FKBP11: variants seen among roughly 807,000 people sequenced by gnomAD.
FKBP11 encodes peptidyl-prolyl cis-trans isomerase FKBP11.
In FKBP11, 21 loss-of-function variants were observed where a neutral mutation model predicts 24.7. The observed-to-expected ratio is 0.85, with a 90% CI of 0.60 to 1.23. The LOEUF (loss-of-function observed/expected upper bound fraction) is 1.23, where lower values mean the gene tolerates loss of function less well. Among genes scored for constraint, FKBP11 ranks in the 50% most tolerant of loss-of-function variants. FKBP11 has a pLI of 0.00. For synonymous variants in FKBP11, 106 were observed against 100.6 expected (o/e 1.05, Z -0.32); for missense variants, 245 against 248.7 (o/e 0.99, Z 0.10).
intron 4 of FKBP11, 113 bp from the exon 5 acceptor site, chr12:48,923,965 A>G (rs1314210449): frequency 1.8e-6 from 2 of 1,120,230 alleles, no homozygotes; most frequent in Non-Finnish European, 2.7e-6. Flanking sequence ...CAAAACACGA[A>G]TTTTTCCACC....
intron 2 of FKBP11, 167 bp from the exon 3 acceptor site, chr12:48,924,815 G>T: frequency 6.9e-7 from 1 of 1,451,784 alleles, no homozygotes; most frequent in South Asian, 1.5e-5. Context: ...GGCGCTTCTC[G>T]GAGATCTCTC....
At chr12:48,935,364 A>T in the FKBP11 span, among the ~76,000 whole-genome samples, 1 of 152,188 alleles carries the variant, frequency 6.6e-6, no homozygotes, top group African/African-American at 2.4e-5. Context: ...CAAACTTATT[A>T]TATGCCTAAA....
chr12:48,938,000 T>C, the FKBP11 span: 39 of 174,776 alleles, frequency 2.2e-4, no homozygotes, highest in Admixed American at 2.9e-4. Context: ...ACACACACCA[T>C]GGACTTGCCA....
upstream of FKBP11, chr12:48,926,138 T>C (rs1411414685): frequency 6.6e-6 from 1 of 152,210 alleles, no homozygotes; most frequent in African/African-American, 2.4e-5. Flanking sequence ...CCTGATCTTT[T>C]CCTCTGGTGC....
the FKBP11 span, chr12:48,938,639 C>T: frequency 4.4e-5 from 19 of 432,582 alleles, no homozygotes; most frequent in Non-Finnish European, 8.1e-5. Context: ...AAAGAGAATA[C>T]CCCACTCGAC....
In FKBP11 at chr12:48,925,386, G is replaced by T; in HGVS notation, c.43C>A (p.Leu15Met). The change falls in exon 1 of 6, where the codon CTG becomes ATG. Residue 15 changes from leucine (L) to methionine (M), a missense_variant. Transcript: ENST00000550765. The part of the protein sequence containing the change: ...PSLLPLHLLL[L>M]LLLSAAVCRA... ...CACACCGCCGCACTGAGCAGCAGCA[G>T]CAGCAGCAGATGGAGCGGGAGGAGT... 1 of 1,597,096 alleles carries T rather than the reference G, an allele frequency of 6.3e-7. No individual in the cohort carries two copies. The highest frequency in any genetic ancestry group is 2.3e-5 in the East Asian group (1 of 44,402).
chr12:48,926,379 C>T (rs1008651141), upstream of FKBP11: 3 of 151,808 alleles, frequency 2.0e-5, no homozygotes, highest in Non-Finnish European at 4.4e-5. Context: ...CACCCGCCAC[C>T]ACGCCCGGCT....
the FKBP11 span, chr12:48,938,777 G>T: frequency 1.3e-6 from 1 of 755,670 alleles, no homozygotes; most frequent in African/African-American, 1.8e-5. Flanking sequence ...TCATATAGGT[G>T]GACAGGAAAA....
chr12:48,932,226 TTTA>T, the FKBP11 span, among the ~76,000 whole-genome samples: 1 of 19,606 alleles, frequency 5.1e-5, no homozygotes, highest in African/African-American at 1.4e-4. Context: ...TAAACATATA[TTTA>T]TATATATATA....
At chr12:48,930,564 G>C (rs1940034877), upstream of FKBP11, among the ~76,000 whole-genome samples, 1 of 152,140 alleles carries the variant, frequency 6.6e-6, no homozygotes, top group African/African-American at 2.4e-5. Flanking sequence ...CAATACAAGG[G>C]AATGAGTGGG....
chr12:48,924,455 G>A (rs1939906615), intron 3 of FKBP11, 106 bp downstream of exon 3: 2 of 1,197,332 alleles, frequency 1.7e-6, no homozygotes, highest in South Asian at 2.5e-5. Flanking sequence ...AGAGCCCTAG[G>A]GTCTTACTCA....
At chr12:48,926,968 C>T (rs1939982167), upstream of FKBP11, among the ~76,000 whole-genome samples, 1 of 152,186 alleles carries the variant, frequency 6.6e-6, no homozygotes, top group African/African-American at 2.4e-5. Flanking sequence ...CACCACCACG[C>T]CTGGCTAATT....
At chr12:48,931,379 G>A (rs1940048585), upstream of FKBP11, 1 of 1,529,758 alleles carries the variant, frequency 6.5e-7, no homozygotes, top group Non-Finnish European at 8.8e-7. Flanking sequence ...GAAATGGAAA[G>A]GGCAAAACTA....
At chr12:48,924,916 G>A in intron 2 of FKBP11, 130 bp downstream of exon 2, 1 of 1,436,980 alleles carries the variant, frequency 7.0e-7, no homozygotes, top group East Asian at 2.5e-5. Context: ...CCCTCGCCAC[G>A]TGCTCGACGA....
intron 2 of FKBP11, 30 bp downstream of exon 2, chr12:48,925,016 G>GACCCCC: frequency 1.7e-6 from 2 of 1,188,060 alleles, no homozygotes; most frequent in Non-Finnish European, 2.4e-6. Flanking sequence ...CCCCCTCCCA[G>GACCCCC]GCCCCGCCCC....
At chr12:48,925,500 C>T, upstream of FKBP11, 1 of 1,501,392 alleles carries the variant, frequency 6.7e-7, no homozygotes. Flanking sequence ...GACAGCGTTC[C>T]CGCGGCGCCC....
chr12:48,936,487 A>G, the FKBP11 span: 1 of 152,686 alleles, frequency 6.5e-6, no homozygotes, highest in South Asian at 2.1e-4. Flanking sequence ...CAATCCCAAA[A>G]GAGCTGTTAA....
upstream of FKBP11, chr12:48,925,513 G>C (rs1939946350): frequency 6.8e-7 from 1 of 1,471,454 alleles, no homozygotes; most frequent in Non-Finnish European, 9.1e-7. Context: ...CGGCGCCCAG[G>C]CCAGACTGGA....
Position 48,925,439 on chromosome 12 carries a change from G to A in FKBP11, c.-11C>T, listed in dbSNP as rs1218045657. On this transcript the variant is annotated 5_prime_UTR_variant, in exon 1 of 6. Coordinates refer to ENST00000550765, the MANE Select transcript of FKBP11 (RefSeq NM_016594.3). ...GGGGCGCAGGGTCATGACTGGGCGC[G>A]GGGCAGGGAGCCGGGGCACCAGGAC... 6.4e-7 allele frequency: 1 copy of A among 1,554,450 alleles called. No individual in the cohort carries two copies. The highest frequency in any genetic ancestry group is 1.7e-4 in the Middle Eastern group (1 of 5,800).
Sources: allele counts gnomAD v4.1 joint callset (sites outside exome capture counted in the v4.1 genomes callset), GRCh38; gene constraint gnomAD v4.1.1; transcripts MANE v1.5; gene names NCBI Gene and HGNC (gene_info 2026-07-23, HGNC 2026-07-21).